PPFIA2: variants seen among roughly 807,000 people sequenced by gnomAD.
PPFIA2 encodes PPFI scaffold protein A2, also known as liprin-alpha-2.
Under a neutral mutation model 175.5 loss-of-function variants are expected in PPFIA2, and 46 were observed. The observed-to-expected ratio is 0.26, with a 90% CI of 0.21 to 0.34. The LOEUF is 0.34. Ranked by LOEUF, PPFIA2 falls within the 10% of genes least tolerant of loss-of-function variation. The probability of loss-of-function intolerance (pLI) is 1.00; values close to 1 mark genes in which losing one functional copy is unlikely to be tolerated. For missense variants in PPFIA2, 1,179 were observed against 1,506.1 expected (o/e 0.78, Z 3.60); for synonymous variants, 568 against 511.4 (o/e 1.11, Z -1.49).
At chr12:81,682,542 T>G (rs2073823418) in intron 3 of PPFIA2, among the ~76,000 whole-genome samples, 1 of 152,022 alleles carries the variant, frequency 6.6e-6, no homozygotes, top group Non-Finnish European at 1.5e-5. Context: ...ATAAAAAAAG[T>G]CAGTATCAGT....
At chr12:81,269,917 G>C (rs1348232435) in intron 28 of PPFIA2, among the ~76,000 whole-genome samples, 1 of 152,000 alleles carries the variant, frequency 6.6e-6, no homozygotes, top group African/African-American at 2.4e-5. Context: ...TTCCTTTGAG[G>C]GGGAAAGGGT....
chr12:81,650,123 C>T (rs1028995377), intron 4 of PPFIA2, among the ~76,000 whole-genome samples: 1 of 151,986 alleles, frequency 6.6e-6, no homozygotes, highest in East Asian at 1.9e-4. Context: ...CATTCTCCTG[C>T]CTCAGCCTCC....
At position 81,359,447 on chromosome 12, in the gene PPFIA2, TA is replaced by T. The variant is rs201365603; in HGVS notation, c.1638-1231del. ...GGTTTTATCATGGATAAGTTACATT[TA>T]AAAAAAAAAACAACTAGGCCATATT... is the stretch of plus-strand genomic sequence containing the variant. On this transcript the variant is annotated intron_variant, in intron 15 of 32. Coordinates refer to ENST00000549396, the MANE Select transcript of PPFIA2 (RefSeq NM_003625.5). 1.7e-3 allele frequency among the ~76,000 whole-genome samples: 243 copies of T among 145,156 alleles called. 2 individuals carry two copies. The highest frequency in any genetic ancestry group is 4.9e-3 in the African/African-American group (197 of 40,002).
At chr12:81,618,553 G>C (rs1012727451) in intron 4 of PPFIA2, among the ~76,000 whole-genome samples, 7 of 120,478 alleles carry the variant, frequency 5.8e-5, no homozygotes, top group African/African-American at 2.0e-4. Flanking sequence ...TTTTGAGATG[G>C]AGTGTCGCTC....
chr12:81,524,265 T>C lies in PPFIA2; in HGVS notation c.304-66399A>G, dbSNP rs571625444. 4.6e-5 allele frequency among the ~76,000 whole-genome samples: 7 copies of C among 152,016 alleles called. No individual in the cohort carries two copies. The East Asian group carries it at 1.2e-3, about 25-fold the overall frequency. Reference sequence around the variant, plus strand: ...GAGTTCTATTCCAGCACAGAAGAGCTCTGGTGTGGGCCGCACCCAGCAAAA... The same window carrying C: ...GAGTTCTATTCCAGCACAGAAGAGCCCTGGTGTGGGCCGCACCCAGCAAAA... On this transcript the variant is annotated intron_variant, in intron 4 of 32. Coordinates refer to ENST00000549396, the MANE Select transcript of PPFIA2 (RefSeq NM_003625.5).
At chr12:81,687,039 C>A (rs1281717729) in intron 3 of PPFIA2, among the ~76,000 whole-genome samples, 5 of 152,006 alleles carry the variant, frequency 3.3e-5, no homozygotes, top group Non-Finnish European at 5.9e-5. Context: ...TTCTTGGGCC[C>A]TACCTGAATT....
intron 4 of PPFIA2, among the ~76,000 whole-genome samples, chr12:81,642,664 T>TAC (rs2065178962): frequency 8.8e-6 from 1 of 113,828 alleles, no homozygotes; most frequent in African/African-American, 3.2e-5. Context: ...GTATCTATTA[T>TAC]ATACATACAT....
chr12:81,454,142 C>T (rs1406209814), intron 5 of PPFIA2, among the ~76,000 whole-genome samples: 1 of 152,046 alleles, frequency 6.6e-6, no homozygotes, highest in Non-Finnish European at 1.5e-5. Context: ...TCACCTGAGT[C>T]CAGGGAACTC....
intron 7 of PPFIA2, among the ~76,000 whole-genome samples, chr12:81,426,933 TAAA>T (rs2144205340): frequency 6.6e-6 from 1 of 152,290 alleles, no homozygotes; most frequent in African/African-American, 2.4e-5. Flanking sequence ...AAATGTATCT[TAAA>T]AACTGTAAAT....
chr12:81,343,221 C>G (rs1269683651), intron 19 of PPFIA2, among the ~76,000 whole-genome samples: 1 of 151,898 alleles, frequency 6.6e-6, no homozygotes, highest in Non-Finnish European at 1.5e-5. Context: ...TGGTTGTGGT[C>G]CCTCTTTCCA....
chr12:81,713,540 T>C (rs1199251161), intron 3 of PPFIA2, among the ~76,000 whole-genome samples: 1 of 151,210 alleles, frequency 6.6e-6, no homozygotes, highest in Non-Finnish European at 1.5e-5. Context: ...TAGTCTGCAA[T>C]TATGGCAGGG....
intron 22 of PPFIA2, among the ~76,000 whole-genome samples, chr12:81,320,665 G>A (rs1024837325): frequency 2.6e-5 from 4 of 151,932 alleles, no homozygotes; most frequent in African/African-American, 4.8e-5. Context: ...ATAATGTTAC[G>A]AGGCAAGAGA....
At chr12:81,702,833 T>C (rs1488860656) in intron 3 of PPFIA2, among the ~76,000 whole-genome samples, 5 of 152,088 alleles carry the variant, frequency 3.3e-5, no homozygotes, top group Admixed American at 6.5e-5. Flanking sequence ...ATCAAACTAG[T>C]GCCCATATAA....
intron 14 of PPFIA2, among the ~76,000 whole-genome samples, chr12:81,364,659 C>T (rs944482277): frequency 5.3e-4 from 80 of 151,690 alleles, no homozygotes; most frequent in African/African-American, 1.9e-3. Context: ...AATAGATTGT[C>T]AAGTTGAATT....
At chr12:81,408,475 A>T (rs1522314) in intron 7 of PPFIA2, among the ~76,000 whole-genome samples, 24,408 of 152,112 alleles carry the variant, frequency 0.16, 2,718 homozygotes, top group East Asian at 0.42. Flanking sequence ...TTTAACTCTC[A>T]GCTTACAGAT....
chr12:81,289,448 A>G (rs2044317219), intron 24 of PPFIA2, among the ~76,000 whole-genome samples: 1 of 151,912 alleles, frequency 6.6e-6, no homozygotes, highest in African/African-American at 2.4e-5. Context: ...TAAATGTTAC[A>G]TAAAGCAAAA....
intron 4 of PPFIA2, among the ~76,000 whole-genome samples, chr12:81,630,843 C>T (rs1452570356): frequency 1.3e-5 from 2 of 150,878 alleles, no homozygotes; most frequent in African/African-American, 4.9e-5. Context: ...TGCTTCCAGG[C>T]CCTGTAACAT....
chr12:81,482,724 C>A (rs1215709950), intron 4 of PPFIA2, among the ~76,000 whole-genome samples: 6 of 152,114 alleles, frequency 3.9e-5, no homozygotes, highest in Non-Finnish European at 8.8e-5. Flanking sequence ...ACATCACACA[C>A]TGGATCCTGT....
At chr12:81,301,871 G>A (rs1291785065) in intron 22 of PPFIA2, among the ~76,000 whole-genome samples, 3 of 152,012 alleles carry the variant, frequency 2.0e-5, no homozygotes, top group Admixed American at 1.3e-4. Context: ...ACTCCAATAA[G>A]GAATTTCTTA....
Sources: allele counts gnomAD v4.1 joint callset (sites outside exome capture counted in the v4.1 genomes callset), GRCh38; gene constraint gnomAD v4.1.1; transcripts MANE v1.5; gene names NCBI Gene and HGNC (gene_info 2026-07-23, HGNC 2026-07-21).